The following LHX2 variants were observed in gnomAD, a reference collection of about 807,000 sequenced individuals.
LHX2 encodes the protein LIM/homeobox protein Lhx2.
Under a neutral mutation model 33.0 loss-of-function variants are expected in LHX2, and 6 were observed. That is an observed-to-expected ratio of 0.18 (90% CI 0.10 to 0.36). The LOEUF is 0.36. LHX2 is among the 10% of genes least tolerant of loss of function. LHX2 has a pLI of 1.00. For missense variants in LHX2, 442 were observed against 586.2 expected (o/e 0.75, Z 2.54); for synonymous variants, 292 against 253.1 (o/e 1.15, Z -1.46).
At position 124,032,873 on chromosome 9, in the gene LHX2, C is replaced by T. The variant is rs1007246782; in HGVS notation, c.*166C>T. ...AGAAGTGTGCGCCCGGCTAATGCAG[C>T]GGTGTGGACCGAGGAACAACTTGGA... On this transcript the variant is annotated 3_prime_UTR_variant, in exon 5 of 5. Transcript: ENST00000373615. This position sits in a 1 kb window ranked among gnomAD's most constrained non-coding sequence, Gnocchi z 4.1. The T allele has an allele frequency of 2.2e-5, 15 of 669,526 alleles. No individual in the cohort carries two copies. In the Admixed American group the frequency reaches 2.8e-4, roughly 12 times the overall value. The allele number at this position is 669,526 out of a possible 1,614,324, so 41.5% of individuals were successfully genotyped here. A position where few individuals can be genotyped will look rare whatever the true frequency, so the allele number is the denominator to read the frequency against.
chr9:124,011,819 C>G lies in LHX2; in HGVS notation c.-530C>G, dbSNP rs568258735. 775 of 153,024 alleles carry G rather than the reference C, an allele frequency of 5.1e-3. 6 individuals are homozygous for G. The highest frequency in any genetic ancestry group is 7.9e-3 in the Non-Finnish European group (539 of 68,190). 9.5% of individuals were successfully genotyped at this position (153,024 alleles called of 1,614,324 possible). A position where few individuals can be genotyped will look rare whatever the true frequency, so the allele number is the denominator to read the frequency against. On this transcript the variant is annotated 5_prime_UTR_variant, in exon 1 of 5. Coordinates refer to ENST00000373615, the MANE Select transcript of LHX2 (RefSeq NM_004789.4). ...CGCAGGCTTCGGAGAAACCCCTACTCCAGTCGCCGACTCAGCGCCCAAGAG... is the reference window on the plus strand; with the variant it reads ...CGCAGGCTTCGGAGAAACCCCTACTGCAGTCGCCGACTCAGCGCCCAAGAG...
chr9:124,026,460 C>CAA (rs112864105), intron 4 of LHX2, among the ~76,000 whole-genome samples: 161 of 78,822 alleles, frequency 2.0e-3, no homozygotes, highest in African/African-American at 6.4e-3. Flanking sequence ...GACTCTGTCT[C>CAA]AAAAAAAAAA....
chr9:124,031,415 TTTA>T, intron 4 of LHX2, among the ~76,000 whole-genome samples: 1 of 152,090 alleles, frequency 6.6e-6, no homozygotes, highest in African/African-American at 2.4e-5. Flanking sequence ...ACTTGTGGGG[TTTA>T]TTGTCTGCTG....
intron 3 of LHX2, among the ~76,000 whole-genome samples, chr9:124,017,721 C>T (rs1157724232): frequency 6.6e-6 from 1 of 151,888 alleles, no homozygotes; most frequent in Non-Finnish European, 1.5e-5. Context: ...TGAAGGGCGG[C>T]GAGCTGGGGG....
rs1020440154 is a variant in LHX2, at chr9:124,016,263, T to A, written c.727+738T>A. ...GGTGGGGTGAGGTGGGGGGCTTGGT[T>A]CGGATTTCCGGCATCTTTGAACCCC... On this transcript the variant is annotated intron_variant, in intron 3 of 4. Transcript: ENST00000373615. This position sits in a 1 kb window ranked among gnomAD's most constrained non-coding sequence, Gnocchi z 4.4. 6.6e-6 allele frequency among the ~76,000 whole-genome samples: 1 copy of A among 152,018 alleles called. No individual in the cohort carries two copies. The highest frequency in any genetic ancestry group is 6.6e-5 in the Admixed American group (1 of 15,266).
chr9:124,030,941 A>C (rs1344618721), intron 4 of LHX2, among the ~76,000 whole-genome samples: 3 of 151,876 alleles, frequency 2.0e-5, no homozygotes, highest in Non-Finnish European at 2.9e-5. Context: ...CCTTAGATGA[A>C]TTTCTGTGTG....
In LHX2 at chr9:124,011,964, GTTTGCGCCCTTGC is replaced by G. The variant is rs1237939221; in HGVS notation, c.-375_-363del. On this transcript the variant is annotated 5_prime_UTR_variant, in exon 1 of 5. Coordinates refer to ENST00000373615, the MANE Select transcript of LHX2 (RefSeq NM_004789.4). The stretch of plus-strand genomic sequence containing the variant: ...CGCAGCCGTCGCCGCCTCGGGCAGA[GTTTGCGCCCTTGC>G]TTTGCGCCCCGGGCGCTGAAGCCGG... 2 of 152,238 alleles carry G rather than the reference GTTTGCGCCCTTGC, an allele frequency of 1.3e-5. No homozygotes were observed. Among genetic ancestry groups the G allele is most frequent in the Non-Finnish European group, 2.9e-5 (2 of 68,136 alleles). 9.4% of individuals were successfully genotyped at this position (152,238 alleles called of 1,614,324 possible).
At position 124,014,029 on chromosome 9, in the gene LHX2, C is replaced by G; in HGVS notation, c.189C>G (p.Arg63=). ...GCTGCGGGGGCAAGATCTCGGACCG[C>G]TACTACCTGCTGGCGGTGGACAAGC... ...CAGCGGKISD[R]YYLLAVDKQW... Residue 63 remains arginine, a synonymous_variant, in exon 2 of 5, where the codon CGC becomes CGG. Transcript: ENST00000373615. The surrounding 1 kb of genome is among the most constrained non-coding windows in gnomAD (Gnocchi z 4.8). The G allele has an allele frequency of 6.2e-7, 1 of 1,613,664 alleles. No individual in the cohort carries two copies. Among genetic ancestry groups the G allele is most frequent in the Non-Finnish European group, 8.5e-7 (1 of 1,180,034 alleles).
At position 124,027,993 on chromosome 9, in the gene LHX2, C is replaced by T. The variant is rs560528493; in HGVS notation, c.934-4427C>T. ...TGGCTGTGTCATGACTCCCACTTGC[C>T]GCATCTGAGTGGACACTTTGGATGC... is the stretch of plus-strand genomic sequence containing the variant. On this transcript the variant is annotated intron_variant, in intron 4 of 4. Coordinates refer to ENST00000373615, the MANE Select transcript of LHX2 (RefSeq NM_004789.4). 3.3e-5 allele frequency among the ~76,000 whole-genome samples: 5 copies of T among 152,216 alleles called. No homozygotes were observed. The South Asian group carries it at 6.2e-4, about 19-fold the overall frequency.
rs745329378 is a variant in LHX2 at position 124,015,224 on chromosome 9, G to A, written c.426G>A (p.Thr142=). The A allele has an allele frequency of 2.5e-6, 4 of 1,614,022 alleles. No homozygotes were observed. In the Admixed American group the frequency reaches 5.0e-5, roughly 20 times the overall value. ...RDLVYHLNCF[T]CTTCNKMLTT... Reference sequence around the variant, plus strand: ...TGGTTTATCACCTCAACTGCTTCACGTGCACCACGTGTAACAAGATGCTGA... The same window carrying A: ...TGGTTTATCACCTCAACTGCTTCACATGCACCACGTGTAACAAGATGCTGA... The change falls in exon 3 of 5, where the codon ACG becomes ACA. Residue 142 remains threonine (T), a synonymous_variant. Transcript: ENST00000373615. The surrounding 1 kb of genome is among the most constrained non-coding windows in gnomAD (Gnocchi z 7.9).
chr9:124,016,793 T>G lies in LHX2; in HGVS notation c.727+1268T>G, dbSNP rs1859198200. ...CGGTCGGTGGCGCGGATTTAAGATT[T>G]GCTGAAGGCACTACCACAGATGTAG... is the stretch of plus-strand genomic sequence containing the variant. On this transcript the variant is annotated intron_variant, in intron 3 of 4. Transcript: ENST00000373615. The surrounding 1 kb of genome is among the most constrained non-coding windows in gnomAD (Gnocchi z 4.4). Among the ~76,000 whole-genome samples, 1 of 152,102 alleles carries G rather than the reference T, an allele frequency of 6.6e-6. No individual in the cohort carries two copies. The highest frequency in any genetic ancestry group is 1.5e-5 in the Non-Finnish European group (1 of 68,020).
At chr9:124,024,051 G>C (rs1350203216) in intron 4 of LHX2, among the ~76,000 whole-genome samples, 1 of 152,206 alleles carries the variant, frequency 6.6e-6, no homozygotes, top group Non-Finnish European at 1.5e-5. Context: ...ATCCAGGCCT[G>C]CCTGATCAAT....
chr9:124,026,852 G>A (rs144219432), intron 4 of LHX2, among the ~76,000 whole-genome samples: 1 of 152,332 alleles, frequency 6.6e-6, no homozygotes, highest in Non-Finnish European at 1.5e-5. Context: ...GAGGTAGTCA[G>A]GGAAGGCTTC....
At chr9:124,018,506 C>G (rs1414515273) in intron 3 of LHX2, among the ~76,000 whole-genome samples, 1 of 152,114 alleles carries the variant, frequency 6.6e-6, no homozygotes, top group Non-Finnish European at 1.5e-5. Context: ...GCTCCTTTCC[C>G]TTTTTCTCCA....
intron 3 of LHX2, among the ~76,000 whole-genome samples, chr9:124,020,113 G>A (rs1389639822): frequency 2.0e-5 from 3 of 152,190 alleles, no homozygotes; most frequent in African/African-American, 7.2e-5. Flanking sequence ...GCTGGTTACC[G>A]GTGGTGTGGC....
chr9:124,021,145 G>A lies in LHX2; in HGVS notation c.774G>A (p.Gln258=), dbSNP rs1157280972. The A allele has an allele frequency of 1.2e-6, 2 of 1,614,082 alleles. No individual in the cohort carries two copies. The highest frequency in any genetic ancestry group is 2.7e-5 in the African/African-American group (2 of 74,940). The change falls in exon 4 of 5, where the codon CAG becomes CAA. Residue 258 remains glutamine, a synonymous_variant. Transcript: ENST00000373615. ...ENDAEHLDRD[Q]PYPSSQKTKR... The stretch of plus-strand genomic sequence containing the variant: ...ACGCAGAGCACCTGGACCGTGACCA[G>A]CCATACCCGAGCAGCCAGAAGACCA...
chr9:124,018,703 C>T (rs995397040), intron 3 of LHX2, among the ~76,000 whole-genome samples: 3 of 152,202 alleles, frequency 2.0e-5, no homozygotes, highest in Non-Finnish European at 2.9e-5. Context: ...GTCTTTGTAG[C>T]TGTCTCTCTG....
chr9:124,016,086 G>A lies in LHX2; in HGVS notation c.727+561G>A, dbSNP rs575860103. 2.2e-4 allele frequency among the ~76,000 whole-genome samples: 33 copies of A among 152,382 alleles called. No individual in the cohort carries two copies. The highest frequency in any genetic ancestry group is 7.0e-4 in the African/African-American group (29 of 41,596). ...GGCTGCGGTTCCTTTTGCTCGGCCC[G>A]ATCCTCCTTTAAAGACAGGTCTCAG... On this transcript the variant is annotated intron_variant, in intron 3 of 4. Transcript: ENST00000373615. The surrounding 1 kb of genome is among the most constrained non-coding windows in gnomAD (Gnocchi z 4.4).
chr9:124,012,396 C>G lies in LHX2; in HGVS notation c.48C>G (p.Asp16Glu). The G allele has an allele frequency of 6.5e-7, 1 of 1,532,846 alleles. No individual in the cohort carries two copies. Among genetic ancestry groups the G allele is most frequent in the Non-Finnish European group, 8.7e-7 (1 of 1,144,600 alleles). 95.0% of individuals were successfully genotyped at this position (1,532,846 alleles called of 1,614,324 possible). Reference sequence around the variant, plus strand: ...GCCCCGAGGTGCACGGGGTCATCGACGAGATGGACCGCAGGGCCAAGAGCG... The same window carrying G: ...GCCCCGAGGTGCACGGGGTCATCGAGGAGATGGACCGCAGGGCCAAGAGCG... ...LSGPEVHGVI[D>E]EMDRRAKSEA... Residue 16 changes from aspartate to glutamate, a missense_variant, in exon 1 of 5, where the codon GAC (aspartate) becomes GAG (glutamate). By Grantham distance (45) the Asp-to-Glu change is conservative. This residue lies in a region of LHX2 where 97 missense variants were observed against 81.5 expected (regional missense o/e 1.19). Coordinates refer to ENST00000373615, the MANE Select transcript of LHX2 (RefSeq NM_004789.4). This position sits in a 1 kb window ranked among gnomAD's most constrained non-coding sequence, Gnocchi z 4.3.
Sources: allele counts gnomAD v4.1 joint callset (sites outside exome capture counted in the v4.1 genomes callset), GRCh38; gene constraint gnomAD v4.1.1; regional missense constraint gnomAD v4.1.1; non-coding constraint Gnocchi (gnomAD v3.1); transcripts MANE v1.5; gene names NCBI Gene and HGNC (gene_info 2026-07-23, HGNC 2026-07-21).